DOCK3: variants seen among roughly 807,000 people sequenced by gnomAD.
DOCK3 encodes dedicator of cytokinesis protein 3.
In DOCK3, 60 loss-of-function variants were observed where a neutral mutation model predicts 265.6. That is an observed-to-expected ratio of 0.23 (90% CI 0.18 to 0.28). DOCK3 has a LOEUF of 0.28. Ranked by LOEUF, DOCK3 falls within the 10% of genes least tolerant of loss-of-function variation. The pLI is 1.00. For synonymous variants in DOCK3, 881 were observed against 938.0 expected, an observed-to-expected ratio of 0.94 and a Z score of 1.11; for missense variants, 1,981 against 2,594.3, an observed-to-expected ratio of 0.76 and a Z score of 5.14.
chr3:51,283,642 TG>T (rs1016682855), intron 27 of DOCK3, among the ~76,000 whole-genome samples: 2 of 152,166 alleles, frequency 1.3e-5, no homozygotes, highest in Non-Finnish European at 2.9e-5. Context: ...AGCAGCAGAT[TG>T]GCACTTCCTG....
chr3:51,152,304 T>G (rs994356396), intron 10 of DOCK3, among the ~76,000 whole-genome samples: 1 of 152,204 alleles, frequency 6.6e-6, no homozygotes, highest in South Asian at 2.1e-4. Flanking sequence ...AGCTTGTGCA[T>G]GTGTCATGTA....
In DOCK3 at chr3:51,160,546, G is replaced by A; in HGVS notation, c.890-9G>A. 1 of 1,600,584 alleles carries A rather than the reference G, an allele frequency of 6.2e-7. No individual in the cohort carries two copies. Among genetic ancestry groups the A allele is most frequent in the Non-Finnish European group, 8.5e-7 (1 of 1,175,054 alleles). The stretch of plus-strand genomic sequence containing the variant: ...CTCAGTCTGACTGGTGTTTTCTGCT[G>A]TGCCCAAGGCCGGATGCTCCTGAAC... On this transcript the variant is annotated splice_polypyrimidine_tract_variant and intron_variant, in intron 11 of 52. Transcript: ENST00000266037.
At chr3:51,350,033 T>C (rs1348267318) in intron 39 of DOCK3, among the ~76,000 whole-genome samples, 1 of 152,164 alleles carries the variant, frequency 6.6e-6, no homozygotes, top group Non-Finnish European at 1.5e-5. Context: ...GGAAGGACAT[T>C]CACAGCAGCT....
At chr3:50,866,407 C>A (rs1390905440) in intron 3 of DOCK3, among the ~76,000 whole-genome samples, 2 of 151,850 alleles carry the variant, frequency 1.3e-5, no homozygotes. Flanking sequence ...ATCCCTTGAA[C>A]CAGGGAGTCA....
chr3:50,972,943 A>G (rs2077286592), intron 5 of DOCK3, among the ~76,000 whole-genome samples: 1 of 149,328 alleles, frequency 6.7e-6, no homozygotes, highest in South Asian at 2.1e-4. Flanking sequence ...ATTTCTGTGA[A>G]TAATGTCATT....
At chr3:50,881,604 C>G (rs977732468) in intron 3 of DOCK3, among the ~76,000 whole-genome samples, 3 of 151,876 alleles carry the variant, frequency 2.0e-5, no homozygotes, top group Non-Finnish European at 4.4e-5. Context: ...CACTGCTCAA[C>G]GAAATAAAAG....
intron 32 of DOCK3, among the ~76,000 whole-genome samples, chr3:51,321,972 C>T (rs538567887): frequency 1.3e-5 from 2 of 152,238 alleles, no homozygotes; most frequent in Admixed American, 1.3e-4. Context: ...TCAGGAAATC[C>T]AGAGAATGCC....
intron 5 of DOCK3, among the ~76,000 whole-genome samples, chr3:51,045,259 G>C (rs1003934584): frequency 2.0e-5 from 3 of 152,114 alleles, no homozygotes; most frequent in Non-Finnish European, 4.4e-5. Flanking sequence ...TTTTGTCTCA[G>C]AGAATAGGGA....
intron 9 of DOCK3, among the ~76,000 whole-genome samples, chr3:51,121,749 G>A (rs1160853726): frequency 6.6e-6 from 1 of 152,142 alleles, no homozygotes; most frequent in African/African-American, 2.4e-5. Flanking sequence ...CTCCTCTAGA[G>A]CATGTACCAA....
intron 35 of DOCK3, among the ~76,000 whole-genome samples, chr3:51,337,854 C>T (rs1269752247): frequency 6.6e-6 from 1 of 152,204 alleles, no homozygotes. Context: ...TGATAGATGG[C>T]TCCAAACACT....
chr3:50,939,041 A>G (rs1486463577), intron 5 of DOCK3, among the ~76,000 whole-genome samples: 1 of 152,060 alleles, frequency 6.6e-6, no homozygotes, highest in African/African-American at 2.4e-5. Context: ...AACACCTACC[A>G]AAACTGAAAA....
chr3:51,328,371 C>T (rs1203744853), intron 32 of DOCK3, among the ~76,000 whole-genome samples: 1 of 152,104 alleles, frequency 6.6e-6, no homozygotes, highest in Non-Finnish European at 1.5e-5. Flanking sequence ...CAGGTTGACC[C>T]AGTGAGGCAA....
chr3:50,771,583 G>A (rs539080926), intron 1 of DOCK3, among the ~76,000 whole-genome samples: 1 of 152,266 alleles, frequency 6.6e-6, no homozygotes, highest in Non-Finnish European at 1.5e-5. Flanking sequence ...CGGGTGTGGT[G>A]GCTCACACCT....
chr3:50,982,572 C>T (rs1284741738), intron 5 of DOCK3, among the ~76,000 whole-genome samples: 2 of 152,162 alleles, frequency 1.3e-5, no homozygotes, highest in African/African-American at 4.8e-5. Flanking sequence ...CACTCCAGAC[C>T]CTGGCCCTGT....
At chr3:50,918,013 G>C (rs774372402) in intron 4 of DOCK3, among the ~76,000 whole-genome samples, 1 of 151,960 alleles carries the variant, frequency 6.6e-6, no homozygotes, top group Non-Finnish European at 1.5e-5. Flanking sequence ...TACAGTGTTT[G>C]GTTTTCTGTC....
intron 15 of DOCK3, among the ~76,000 whole-genome samples, chr3:51,226,692 G>A (rs1304579252): frequency 1.3e-5 from 2 of 152,178 alleles, no homozygotes; most frequent in East Asian, 3.8e-4. Flanking sequence ...ACCTACTCTG[G>A]CTTATGTGGC....
intron 2 of DOCK3, among the ~76,000 whole-genome samples, chr3:50,819,400 A>G (rs1385261822): frequency 6.6e-6 from 1 of 152,190 alleles, no homozygotes; most frequent in African/African-American, 2.4e-5. Context: ...GAATCATATT[A>G]TAGATAGTTT....
At chr3:51,310,617 T>C (rs868499829) in intron 28 of DOCK3, among the ~76,000 whole-genome samples, 1 of 152,218 alleles carries the variant, frequency 6.6e-6, no homozygotes, top group Non-Finnish European at 1.5e-5. Flanking sequence ...GGTTTGGGCA[T>C]TATCCCAAGC....
intron 2 of DOCK3, among the ~76,000 whole-genome samples, chr3:50,793,370 T>C (rs2042594816): frequency 6.7e-6 from 1 of 150,310 alleles, no homozygotes. Context: ...TTTTTTTTTT[T>C]TTTTTGAGGC....
Sources: gnomAD v4.1 joint callset for allele counts (sites outside exome capture counted in the v4.1 genomes callset) on GRCh38, gnomAD v4.1.1 for gene constraint, MANE v1.5 for transcripts, NCBI Gene and HGNC (gene_info 2026-07-23, HGNC 2026-07-21) for gene names.